The following OR1J2 variants were observed in gnomAD, a reference collection of about 807,000 sequenced individuals.
OR1J2 encodes olfactory receptor family 1 subfamily J member 2.
For missense variants in OR1J2, 304 were observed against 246.1 expected (o/e 1.24, Z -1.57); for synonymous variants, 142 against 99.7 (o/e 1.42, Z -2.52).
chr9:122,496,093 AG>A, the OR1J2 span, among the ~76,000 whole-genome samples: 1 of 152,186 alleles, frequency 6.6e-6, no homozygotes, highest in East Asian at 1.9e-4. Context: ...AGGTAGTAGC[AG>A]GGAATGAAGT....
chr9:122,484,230 C>T, the OR1J2 span, among the ~76,000 whole-genome samples: 4 of 151,946 alleles, frequency 2.6e-5, no homozygotes, highest in Non-Finnish European at 5.9e-5. Flanking sequence ...GGTGCGATCT[C>T]GGCTCACTGC....
the OR1J2 span, among the ~76,000 whole-genome samples, chr9:122,457,564 A>G: frequency 5.9e-5 from 9 of 152,214 alleles, 1 homozygote; most frequent in Admixed American, 3.3e-4. Flanking sequence ...ACAAGAAACT[A>G]TGGCCCATTC....
the OR1J2 span, among the ~76,000 whole-genome samples, chr9:122,541,383 A>G: frequency 6.6e-6 from 1 of 152,198 alleles, no homozygotes; most frequent in Non-Finnish European, 1.5e-5. Context: ...AAATAAACTA[A>G]GAAGAAAGAG....
the OR1J2 span, chr9:122,553,472 C>T: frequency 6.2e-7 from 1 of 1,614,126 alleles, no homozygotes; most frequent in South Asian, 1.1e-5. Context: ...TGCTGGCCAA[C>T]ATTCATACCC....
At chr9:122,553,996 A>G in the OR1J2 span, 1 of 1,613,222 alleles carries the variant, frequency 6.2e-7, no homozygotes, top group Non-Finnish European at 8.5e-7. Flanking sequence ...ATGGGTGTGT[A>G]TTTACTTCCT....
chr9:122,449,854 G>A, the OR1J2 span, among the ~76,000 whole-genome samples: 22 of 152,002 alleles, frequency 1.4e-4, no homozygotes, highest in African/African-American at 3.1e-4. Context: ...TTACTGTTGC[G>A]TGAAATAAAA....
the OR1J2 span, among the ~76,000 whole-genome samples, chr9:122,499,672 G>A: frequency 6.6e-6 from 1 of 152,242 alleles, no homozygotes; most frequent in African/African-American, 2.4e-5. Flanking sequence ...AGGTGAACAG[G>A]TGCTCTGAAT....
the OR1J2 span, among the ~76,000 whole-genome samples, chr9:122,470,370 C>G: frequency 0.018 from 2,672 of 152,280 alleles, 83 homozygotes; most frequent in African/African-American, 0.061. Flanking sequence ...TGGTGTTGAG[C>G]CTGTGGGTGC....
chr9:122,572,937 C>T, the OR1J2 span: 38,839 of 152,156 alleles, frequency 0.26, 5,419 homozygotes, highest in African/African-American at 0.32. Flanking sequence ...AGAACTGAAA[C>T]ACTACTCTAA....
rs1165798980 is a variant in OR1J2, at chr9:122,511,561, T to G, written c.760T>G (p.Ser254Ala). The change falls in exon 1 of 1, where the codon TCA becomes GCA. Residue 254 changes from serine (S) to alanine (A), a missense_variant. Transcript: ENST00000335302. The stretch of plus-strand genomic sequence containing the variant: ...CTCTGTGGTGTCTCTCTATTATGGG[T>G]CAATATTTGGCCAGTACCTTTTCCC... The part of the protein sequence containing the change: ...HLSVVSLYYG[S>A]IFGQYLFPTV... 1 of 781,020 alleles carries G rather than the reference T, an allele frequency of 1.3e-6. No homozygotes were observed. The highest frequency in any genetic ancestry group is 2.4e-5 in the East Asian group (1 of 41,252). The allele number at this position is 781,020 out of a possible 1,614,324, so 48.4% of individuals were successfully genotyped here.
the OR1J2 span, among the ~76,000 whole-genome samples, chr9:122,540,600 C>T: frequency 1.3e-5 from 2 of 152,132 alleles, no homozygotes; most frequent in African/African-American, 2.4e-5. Flanking sequence ...GCGATGCGGG[C>T]TCTTTTTTGG....
the OR1J2 span, among the ~76,000 whole-genome samples, chr9:122,563,838 G>A: frequency 6.6e-6 from 1 of 150,896 alleles, no homozygotes; most frequent in Non-Finnish European, 1.5e-5. Context: ...CACATATTCA[G>A]TTTTTATAAC....
upstream of OR1J2, among the ~76,000 whole-genome samples, chr9:122,507,484 C>A (rs903035175): frequency 3.3e-5 from 5 of 152,184 alleles, no homozygotes; most frequent in Non-Finnish European, 7.3e-5. Context: ...TTGCATTCAG[C>A]TGCTAGGCAT....
chr9:122,507,574 T>C (rs765769154), upstream of OR1J2, among the ~76,000 whole-genome samples: 2 of 152,154 alleles, frequency 1.3e-5, no homozygotes, highest in Non-Finnish European at 2.9e-5. Flanking sequence ...AAGTAGTGCC[T>C]GTTTCTCACT....
chr9:122,561,624 A>G, the OR1J2 span, among the ~76,000 whole-genome samples: 1 of 152,054 alleles, frequency 6.6e-6, no homozygotes, highest in African/African-American at 2.4e-5. Flanking sequence ...CTGGGGGTTC[A>G]TTTCAGGCCT....
At chr9:122,494,252 A>C in the OR1J2 span, among the ~76,000 whole-genome samples, 4 of 152,148 alleles carry the variant, frequency 2.6e-5, no homozygotes, top group Non-Finnish European at 5.9e-5. Flanking sequence ...TTCTGTCTTG[A>C]TAACCTGTCT....
At chr9:122,553,569 G>A in the OR1J2 span, 1 of 1,614,072 alleles carries the variant, frequency 6.2e-7, no homozygotes, top group East Asian at 2.2e-5. Flanking sequence ...CCTGCTGGCT[G>A]TGATGGCATA....
At chr9:122,459,132 C>T in the OR1J2 span, among the ~76,000 whole-genome samples, 11 of 152,268 alleles carry the variant, frequency 7.2e-5, no homozygotes, top group Admixed American at 2.6e-4. Context: ...CTGCAAATGA[C>T]AGAATTTCAT....
chr9:122,555,447 G>A, the OR1J2 span, among the ~76,000 whole-genome samples: 2 of 151,924 alleles, frequency 1.3e-5, no homozygotes, highest in Admixed American at 6.6e-5. Flanking sequence ...AGCAATCTGC[G>A]GCTGCAATTT....
Sources: allele counts gnomAD v4.1 joint callset (sites outside exome capture counted in the v4.1 genomes callset), GRCh38; gene constraint gnomAD v4.1.1; transcripts MANE v1.5; gene names NCBI Gene and HGNC (gene_info 2026-07-23, HGNC 2026-07-21).